MREG: variants seen among roughly 807,000 people sequenced by gnomAD.
MREG encodes melanoregulin, also known as dilute suppressor protein homolog.
A neutral mutation model predicts 28.5 loss-of-function variants in MREG; 31 were observed. The ratio of observed to expected loss-of-function variants is 1.09; its 90% confidence interval spans 0.82 to 1.47. The LOEUF is 1.47. Among genes scored for constraint, MREG ranks in the 40% most tolerant of loss-of-function variants. MREG has a pLI of 0.00. For missense variants in MREG, 256 were observed against 257.4 expected, an observed-to-expected ratio of 0.99 and a Z score of 0.04; for synonymous variants, 106 against 95.2, an observed-to-expected ratio of 1.11 and a Z score of -0.66.
chr2:215,986,004 T>A (rs764605257), intron 2 of MREG, among the ~76,000 whole-genome samples: 15 of 152,166 alleles, frequency 9.9e-5, no homozygotes, highest in Non-Finnish European at 1.8e-4. Context: ...CATTCAAAGT[T>A]AAAACAATCC....
intron 2 of MREG, among the ~76,000 whole-genome samples, chr2:215,971,753 C>T (rs768674008): frequency 1.3e-5 from 2 of 152,212 alleles, no homozygotes; most frequent in Admixed American, 6.5e-5. Context: ...TCTCAACTTA[C>T]TGTAGCTGGG....
At chr2:216,015,073 G>A (rs2105927829), upstream of MREG, among the ~76,000 whole-genome samples, 1 of 150,036 alleles carries the variant, frequency 6.7e-6, no homozygotes, top group South Asian at 2.1e-4. Flanking sequence ...AATAAGGCAG[G>A]GAAGGGAATA....
chr2:215,958,082 G>A (rs1226315706), intron 2 of MREG, among the ~76,000 whole-genome samples: 13 of 145,308 alleles, frequency 8.9e-5, no homozygotes, highest in South Asian at 2.3e-4. Context: ...CAGGAAGGGG[G>A]ACATCACACA....
At chr2:215,949,081 CTACTACT>C (rs1692407986) in intron 2 of MREG, among the ~76,000 whole-genome samples, 4 of 96,418 alleles carry the variant, frequency 4.1e-5, no homozygotes, top group East Asian at 5.1e-4. Context: ...ACTACTACTA[CTACTACT>C]AATAATAATA....
chr2:215,942,445 A>G (rs1692210457), downstream of MREG, among the ~76,000 whole-genome samples: 1 of 152,140 alleles, frequency 6.6e-6, no homozygotes, highest in Non-Finnish European at 1.5e-5. Flanking sequence ...CTTAACACAC[A>G]TCTAATCCTT....
chr2:215,975,704 C>T (rs1166780594), intron 2 of MREG, among the ~76,000 whole-genome samples: 1 of 152,112 alleles, frequency 6.6e-6, no homozygotes, highest in East Asian at 1.9e-4. Flanking sequence ...AATAATGCAT[C>T]AAGAAAATGA....
At chr2:215,979,166 T>C (rs1693341130) in intron 2 of MREG, among the ~76,000 whole-genome samples, 1 of 152,166 alleles carries the variant, frequency 6.6e-6, no homozygotes, top group South Asian at 2.1e-4. Flanking sequence ...CCTGTTAACA[T>C]TTAAAATAAA....
intron 2 of MREG, among the ~76,000 whole-genome samples, chr2:215,967,876 C>T (rs919909244): frequency 2.0e-5 from 3 of 152,160 alleles, no homozygotes; most frequent in Admixed American, 2.0e-4. Context: ...CAGGAGGAAT[C>T]AAATCCACCC....
intron 1 of MREG, among the ~76,000 whole-genome samples, chr2:216,006,189 T>C: frequency 6.6e-6 from 1 of 152,200 alleles, no homozygotes. Flanking sequence ...CTCGGGAACT[T>C]CCAATGGCAC....
chr2:215,999,871 T>C (rs3755155), intron 1 of MREG, among the ~76,000 whole-genome samples: 107,893 of 151,954 alleles, frequency 0.71, 38,325 homozygotes, highest in Admixed American at 0.73. Flanking sequence ...AAGGACAGGG[T>C]AGAGATCTAG....
chr2:216,031,135 G>A (rs1490726330), intron 1 of MREG, among the ~76,000 whole-genome samples: 2 of 151,980 alleles, frequency 1.3e-5, no homozygotes. Flanking sequence ...GGCCAGACAT[G>A]GTGGTTCACG....
exon 1 of MREG, chr2:216,032,934 C>T (rs1431247515): frequency 1.3e-5 from 2 of 152,148 alleles, no homozygotes; most frequent in African/African-American, 2.4e-5. Context: ...GCTTTGCAAC[C>T]AGGTCTTGAA....
intron 2 of MREG, among the ~76,000 whole-genome samples, chr2:215,965,327 A>T (rs576275492): frequency 6.6e-6 from 1 of 152,296 alleles, no homozygotes; most frequent in Non-Finnish European, 1.5e-5. Flanking sequence ...TTGACTCTGT[A>T]TTCCAGGATC....
intron 2 of MREG, among the ~76,000 whole-genome samples, chr2:215,964,115 GA>G (rs1032030460): frequency 6.6e-6 from 1 of 152,048 alleles, no homozygotes; most frequent in Non-Finnish European, 1.5e-5. Flanking sequence ...ACAGTTAGGG[GA>G]AAAAACCACA....
rs1692258039 is a variant in MREG, at chr2:215,944,131, C to T, written c.*732G>A. The T allele has an allele frequency of 6.6e-6, 1 of 151,802 alleles. No homozygotes were observed. The highest frequency in any genetic ancestry group is 2.1e-4 in the South Asian group (1 of 4,802). 9.4% of individuals were successfully genotyped at this position (151,802 alleles called of 1,614,324 possible). A position where few individuals can be genotyped will look rare whatever the true frequency, so the allele number is the denominator to read the frequency against. ...GGTAGCTGGGATTACAAGCGCGTGC[C>T]ATCACACCTGGCTAATTTTTGTATT... On this transcript the variant is annotated 3_prime_UTR_variant, in exon 5 of 5. Transcript: ENST00000263268.
At chr2:215,950,908 G>A (rs1195183432) in intron 2 of MREG, among the ~76,000 whole-genome samples, 3 of 152,102 alleles carry the variant, frequency 2.0e-5, no homozygotes, top group Non-Finnish European at 1.5e-5. Context: ...GGTTTCTAAT[G>A]GTTTAGCACC....
upstream of MREG, among the ~76,000 whole-genome samples, chr2:216,016,220 T>TG (rs1694447745): frequency 6.6e-6 from 1 of 152,226 alleles, no homozygotes; most frequent in Admixed American, 6.5e-5. Context: ...GCTTACCACT[T>TG]GCACCTGGTG....
At chr2:216,005,689 G>A (rs1376092400) in intron 1 of MREG, among the ~76,000 whole-genome samples, 1 of 151,956 alleles carries the variant, frequency 6.6e-6, no homozygotes, top group Non-Finnish European at 1.5e-5. Context: ...CTGACCTCAA[G>A]TGATGCACCT....
intron 2 of MREG, among the ~76,000 whole-genome samples, chr2:215,950,117 G>T (rs994732648): frequency 1.3e-5 from 2 of 152,158 alleles, no homozygotes; most frequent in Admixed American, 1.3e-4. Flanking sequence ...GAGTTGCCTC[G>T]TATGTTCACA....
Sources: gnomAD v4.1 joint callset for allele counts (sites outside exome capture counted in the v4.1 genomes callset) on GRCh38, gnomAD v4.1.1 for gene constraint, MANE v1.5 for transcripts, NCBI Gene and HGNC (gene_info 2026-07-23, HGNC 2026-07-21) for gene names.